Variants in SEZ6L observed in about 807,000 individuals in gnomAD.
SEZ6L encodes the protein seizure related 6 homolog like, also known as seizure 6-like protein.
SEZ6L carries 37 observed loss-of-function variants against 106.2 expected under a neutral mutation model. That is an observed-to-expected ratio of 0.35 (90% confidence interval 0.27 to 0.46). The LOEUF (loss-of-function observed/expected upper bound fraction) is 0.46, where lower values mean the gene tolerates loss of function less well. Among genes scored for constraint, SEZ6L ranks in the 20% least tolerant of loss-of-function variants. The pLI is 1.00. For synonymous variants in SEZ6L, 541 were observed against 570.4 expected, an observed-to-expected ratio of 0.95 and a Z score of 0.73; for missense variants, 1,172 against 1,332.8, an observed-to-expected ratio of 0.88 and a Z score of 1.88.
Position 26,293,140 on chromosome 22 carries a change from G to T in SEZ6L, c.829G>T (p.Ala277Ser). The T allele has an allele frequency of 6.5e-7, 1 of 1,535,300 alleles. No individual in the cohort carries two copies. ...ITTTVITTEQ[A>S]PALCSVSFSN... ...CACCACGGTCATCACCACCGAGCAG[G>T]CACCAGGTATGCAGCCCCCAACTCC... Residue 277 changes from alanine to serine, a missense_variant, in exon 2 of 17, where the codon GCA becomes TCA. This residue lies in a region of SEZ6L where 494 missense variants were observed against 445.8 expected (regional missense o/e 1.11). Transcript: ENST00000248933.
At chr22:26,204,847 C>T (rs1941196162) in intron 1 of SEZ6L, among the ~76,000 whole-genome samples, 1 of 152,190 alleles carries the variant, frequency 6.6e-6, no homozygotes, top group Non-Finnish European at 1.5e-5. Context: ...CTTCTGACAG[C>T]TTTTTCAAGA....
At chr22:26,327,268 CCA>C (rs140370359) in intron 9 of SEZ6L, among the ~76,000 whole-genome samples, 5,812 of 146,564 alleles carry the variant, frequency 0.04, 157 homozygotes, top group Non-Finnish European at 0.056. Context: ...CTCACACACA[CCA>C]CACACACACA....
At position 26,264,587 on chromosome 22, in the gene SEZ6L, G is replaced by A. The variant is rs532672741; in HGVS notation, c.95-27819G>A. Among the ~76,000 whole-genome samples, 20 of 152,258 alleles carry A rather than the reference G, an allele frequency of 1.3e-4. 1 individual carries two copies. The South Asian group carries it at 4.2e-3, about 32-fold the overall frequency. On this transcript the variant is annotated intron_variant, in intron 1 of 16. Transcript: ENST00000248933. ...TCTAAAGGAACAGACATTTGCCAGG[G>A]CTGGCAAACTTTTTCTCTAAAGGGC...
intron 10 of SEZ6L, among the ~76,000 whole-genome samples, chr22:26,341,895 AG>A (rs1188998971): frequency 6.6e-6 from 1 of 152,170 alleles, no homozygotes; most frequent in Admixed American, 6.5e-5. Flanking sequence ...CAGATGTCAG[AG>A]GACTGGGACA....
chr22:26,243,132 G>A (rs921844395), intron 1 of SEZ6L, among the ~76,000 whole-genome samples: 8 of 152,140 alleles, frequency 5.3e-5, no homozygotes, highest in Admixed American at 2.6e-4. Flanking sequence ...ATTGGATCAA[G>A]GCCCACTGTA....
chr22:26,307,413 T>G (rs973516355), intron 6 of SEZ6L, among the ~76,000 whole-genome samples: 1 of 151,990 alleles, frequency 6.6e-6, no homozygotes, highest in Non-Finnish European at 1.5e-5. Context: ...GATCTAAGAA[T>G]TCTAATGTTT....
intron 1 of SEZ6L, among the ~76,000 whole-genome samples, chr22:26,286,883 G>T (rs964923613): frequency 6.6e-5 from 10 of 151,816 alleles, no homozygotes; most frequent in African/African-American, 2.2e-4. Flanking sequence ...AAGTAGCTGG[G>T]ATTACAGGCC....
At chr22:26,252,248 C>T (rs920981638) in intron 1 of SEZ6L, among the ~76,000 whole-genome samples, 43 of 152,184 alleles carry the variant, frequency 2.8e-4, no homozygotes, top group African/African-American at 1.0e-3. Flanking sequence ...GGTAACCTAA[C>T]TCTAGAAAGG....
intron 1 of SEZ6L, among the ~76,000 whole-genome samples, chr22:26,182,311 C>A (rs1396873848): frequency 6.6e-6 from 1 of 152,158 alleles, no homozygotes; most frequent in African/African-American, 2.4e-5. Context: ...TCAGCAGGTG[C>A]TCATTTGGTG....
intron 11 of SEZ6L, among the ~76,000 whole-genome samples, chr22:26,350,211 C>CAT (rs34286571): frequency 0.022 from 3,247 of 145,630 alleles, 37 homozygotes; most frequent in Non-Finnish European, 0.033. Context: ...TATATATACA[C>CAT]ATATATATAT....
chr22:26,361,436 G>A (rs1022431883), intron 12 of SEZ6L, among the ~76,000 whole-genome samples: 3 of 150,326 alleles, frequency 2.0e-5, no homozygotes, highest in Admixed American at 1.3e-4. Flanking sequence ...GAACCCAGGA[G>A]GCTGAGGTTG....
At chr22:26,208,586 T>A (rs1941410801) in intron 1 of SEZ6L, among the ~76,000 whole-genome samples, 1 of 152,178 alleles carries the variant, frequency 6.6e-6, no homozygotes, top group Non-Finnish European at 1.5e-5. Context: ...GCATACAATA[T>A]GTACACAGTT....
chr22:26,348,710 G>A (rs1223712355), intron 11 of SEZ6L, among the ~76,000 whole-genome samples: 3 of 74,508 alleles, frequency 4.0e-5, no homozygotes, highest in African/African-American at 1.8e-4. Flanking sequence ...AAGAAGGCAA[G>A]GGAGGGAAGG....
chr22:26,230,177 C>T (rs1268373901), intron 1 of SEZ6L, among the ~76,000 whole-genome samples: 1 of 152,146 alleles, frequency 6.6e-6, no homozygotes, highest in Non-Finnish European at 1.5e-5. Context: ...CTGAGACAAG[C>T]AGAATCTGCT....
chr22:26,196,826 G>A (rs1287151034), intron 1 of SEZ6L, among the ~76,000 whole-genome samples: 2 of 152,156 alleles, frequency 1.3e-5, no homozygotes, highest in Non-Finnish European at 2.9e-5. Context: ...TGGGGAAATG[G>A]GAGAAAATAG....
intron 9 of SEZ6L, among the ~76,000 whole-genome samples, chr22:26,328,156 T>C (rs1390002221): frequency 6.6e-6 from 1 of 152,190 alleles, no homozygotes; most frequent in Non-Finnish European, 1.5e-5. Flanking sequence ...GATTTGCATC[T>C]GGGGAAACTG....
intron 8 of SEZ6L, 111 bp from the exon 9 acceptor site, chr22:26,313,653 G>A: frequency 7.6e-7 from 1 of 1,309,178 alleles, no homozygotes; most frequent in Non-Finnish European, 1.1e-6. Flanking sequence ...CCTGTCCACA[G>A]TACACAGAGA....
At chr22:26,290,217 G>T (rs2081064534) in intron 1 of SEZ6L, among the ~76,000 whole-genome samples, 1 of 152,178 alleles carries the variant, frequency 6.6e-6, no homozygotes, top group Admixed American at 6.5e-5. Flanking sequence ...CCAGACAGCT[G>T]CCTGGGCCAG....
intron 9 of SEZ6L, among the ~76,000 whole-genome samples, chr22:26,325,373 T>C (rs1362298016): frequency 2.0e-5 from 3 of 152,304 alleles, no homozygotes; most frequent in African/African-American, 7.2e-5. Context: ...TATTACTGTG[T>C]ACAATGATCC....
Sources: gnomAD v4.1 joint callset for allele counts (sites outside exome capture counted in the v4.1 genomes callset) on GRCh38, gnomAD v4.1.1 for gene constraint, gnomAD v4.1.1 regional missense constraint, MANE v1.5 for transcripts, NCBI Gene and HGNC (gene_info 2026-07-23, HGNC 2026-07-21) for gene names.